Variants in MAP3K4 observed in about 807,000 individuals in gnomAD.
MAP3K4 encodes mitogen-activated protein kinase kinase kinase 4, also known as MAP three kinase 1.
In MAP3K4, 67 loss-of-function variants were observed where a neutral mutation model predicts 185.6. The observed-to-expected ratio is 0.36, with a 90% CI of 0.30 to 0.44. MAP3K4 has a LOEUF of 0.44. Ranked by LOEUF, MAP3K4 falls within the 20% of genes least tolerant of loss-of-function variation. The pLI, the probability that MAP3K4 is intolerant of heterozygous loss-of-function variation, is 1.00. For synonymous variants in MAP3K4, 702 were observed against 710.4 expected, an observed-to-expected ratio of 0.99 and a Z score of 0.19; for missense variants, 1,551 against 1,995.1, an observed-to-expected ratio of 0.78 and a Z score of 4.24.
chr6:161,110,467 A>T lies in MAP3K4; in HGVS notation c.4396+553A>T, dbSNP rs919983808. 2.0e-5 allele frequency among the ~76,000 whole-genome samples: 3 copies of T among 152,204 alleles called. No homozygotes were observed. Among genetic ancestry groups the T allele is most frequent in the Admixed American group, 1.3e-4 (2 of 15,284 alleles). ...AGGGGAATAGCTGGGCTTCTGTCTC[A>T]GAACGGTCACCGTGGCATTTGCCTT... On this transcript the variant is annotated intron_variant, in intron 23 of 26. Transcript: ENST00000392142. This position sits in a 1 kb window ranked among gnomAD's most constrained non-coding sequence, Gnocchi z 4.8.
At chr6:161,094,116 C>A (rs975135885) in intron 15 of MAP3K4, among the ~76,000 whole-genome samples, 1 of 152,216 alleles carries the variant, frequency 6.6e-6, no homozygotes, top group Non-Finnish European at 1.5e-5. Flanking sequence ...TATACCAACA[C>A]TACCATTCTT....
At position 161,053,727 on chromosome 6, in the gene MAP3K4, G is replaced by T. The variant is rs767122462; in HGVS notation, c.1707+3748G>T. On this transcript the variant is annotated intron_variant, in intron 3 of 26. Coordinates refer to ENST00000392142, the MANE Select transcript of MAP3K4 (RefSeq NM_005922.4). This position sits in a 1 kb window ranked among gnomAD's most constrained non-coding sequence, Gnocchi z 4.2. ...CTGTCTCAGCCTCTTGAGTAGCTGG[G>T]ATTACAAGCGTGCACCACCATGCCT... is the stretch of plus-strand genomic sequence containing the variant. Among the ~76,000 whole-genome samples, 6 of 152,084 alleles carry T rather than the reference G, an allele frequency of 3.9e-5. No homozygotes were observed. Among genetic ancestry groups the T allele is most frequent in the African/African-American group, 7.2e-5 (3 of 41,410 alleles).
At chr6:161,092,803 A>G (rs1777385546) in intron 13 of MAP3K4, among the ~76,000 whole-genome samples, 175 bp from the exon 14 acceptor site, 1 of 152,228 alleles carries the variant, frequency 6.6e-6, no homozygotes, top group African/African-American at 2.4e-5. Flanking sequence ...TAAATTTTAA[A>G]AAATTATTCT....
At position 161,098,243 on chromosome 6, in the gene MAP3K4, C is replaced by T. The variant is rs1237649288; in HGVS notation, c.3525-35C>T. 2 of 1,588,282 alleles carry T rather than the reference C, an allele frequency of 1.3e-6. No individual in the cohort carries two copies. The highest frequency in any genetic ancestry group is 1.7e-6 in the Non-Finnish European group (2 of 1,164,182). The stretch of plus-strand genomic sequence containing the variant: ...AATTTTCAAGTCCGTTCCCTCTTCT[C>T]ACATGTGTTCCTGAAGCTTTTCTTC... On this transcript the variant is annotated intron_variant, in intron 16 of 26. Transcript: ENST00000392142. This position sits in a 1 kb window ranked among gnomAD's most constrained non-coding sequence, Gnocchi z 4.4.
chr6:161,027,828 T>G (rs1469155107), intron 1 of MAP3K4, among the ~76,000 whole-genome samples: 1 of 152,274 alleles, frequency 6.6e-6, no homozygotes, highest in Non-Finnish European at 1.5e-5. Context: ...GAGTGGTTTT[T>G]CTGCTACTTA....
In MAP3K4 at chr6:161,048,408, T is replaced by C. The variant is rs1481686760; in HGVS notation, c.344-208T>C. ...GAATATAAGAGAATACAGCAAATAC[T>C]GGAAAAATGGATAATTTTTTTTAAA... On this transcript the variant is annotated intron_variant, in intron 2 of 26. Coordinates refer to ENST00000392142, the MANE Select transcript of MAP3K4 (RefSeq NM_005922.4). This position sits in a 1 kb window ranked among gnomAD's most constrained non-coding sequence, Gnocchi z 4.7. 6 of 613,662 alleles carry C rather than the reference T, an allele frequency of 9.8e-6. No individual in the cohort carries two copies. In the African/African-American group the frequency reaches 1.1e-4, roughly 12 times the overall value. 38.0% of individuals were successfully genotyped at this position (613,662 alleles called of 1,614,324 possible).
intron 2 of MAP3K4, among the ~76,000 whole-genome samples, chr6:161,041,886 AG>A (rs1444947560): frequency 1.5e-5 from 2 of 131,546 alleles, no homozygotes; most frequent in Non-Finnish European, 3.2e-5. Flanking sequence ...GCTCTCAGGG[AG>A]GGTAAAGGCC....
Position 161,070,964 on chromosome 6 carries a change from A to C in MAP3K4, c.1950+114A>C. ...TCTTAATTGTCGCAAATAGTGAAAA[A>C]TGACTGTTTGTCCATGGTTTTAAGC... On this transcript the variant is annotated intron_variant, in intron 4 of 26. Transcript: ENST00000392142. The surrounding 1 kb of genome is among the most constrained non-coding windows in gnomAD (Gnocchi z 4.5). 1 of 1,005,384 alleles carries C rather than the reference A, an allele frequency of 9.9e-7. No homozygotes were observed. Among genetic ancestry groups the C allele is most frequent in the East Asian group, 2.7e-5 (1 of 37,594 alleles). 62.3% of individuals were successfully genotyped at this position (1,005,384 alleles called of 1,614,324 possible).
chr6:161,032,825 G>T (rs1782991796), intron 1 of MAP3K4, among the ~76,000 whole-genome samples: 2 of 152,164 alleles, frequency 1.3e-5, no homozygotes, highest in African/African-American at 4.8e-5. Flanking sequence ...TTCTAAATTT[G>T]CACATGGTTT....
At chr6:161,010,239 G>A (rs1398813077) in intron 1 of MAP3K4, among the ~76,000 whole-genome samples, 2 of 152,130 alleles carry the variant, frequency 1.3e-5, no homozygotes, top group East Asian at 3.9e-4. Flanking sequence ...CACATGAGAT[G>A]CCCAGGATGT....
chr6:161,033,807 A>G (rs1018425014), intron 1 of MAP3K4, among the ~76,000 whole-genome samples: 2 of 152,192 alleles, frequency 1.3e-5, no homozygotes, highest in Non-Finnish European at 2.9e-5. Context: ...AAAGACAGAA[A>G]GAGGCGAGGC....
chr6:161,056,494 G>T lies in MAP3K4; in HGVS notation c.1707+6515G>T, dbSNP rs533791675. ...TGTCTTTCGCTCTGATTCAGCACAA[G>T]GTTCATTCCGACTTTCCTCCCTTGC... is the stretch of plus-strand genomic sequence containing the variant. On this transcript the variant is annotated intron_variant, in intron 3 of 26. Coordinates refer to ENST00000392142, the MANE Select transcript of MAP3K4 (RefSeq NM_005922.4). The surrounding 1 kb of genome is among the most constrained non-coding windows in gnomAD (Gnocchi z 5.4). Among the ~76,000 whole-genome samples, 3 of 152,256 alleles carry T rather than the reference G, an allele frequency of 2.0e-5. No individual in the cohort carries two copies. The South Asian group carries it at 6.2e-4, about 32-fold the overall frequency.
chr6:161,104,371 G>A (rs545964794), intron 19 of MAP3K4, among the ~76,000 whole-genome samples: 55 of 140,002 alleles, frequency 3.9e-4, no homozygotes, highest in African/African-American at 1.2e-3. Context: ...CTGAGATCGC[G>A]CCATCACACT....
At chr6:160,992,371 C>G in intron 1 of MAP3K4, 1 of 469,324 alleles carries the variant, frequency 2.1e-6, no homozygotes, top group Non-Finnish European at 3.7e-6. Context: ...GTTGCGGGGG[C>G]TGGGAGCAGA....
At chr6:161,013,855 G>C (rs7758583) in intron 1 of MAP3K4, among the ~76,000 whole-genome samples, 1 of 151,926 alleles carries the variant, frequency 6.6e-6, no homozygotes, top group Admixed American at 6.6e-5. Flanking sequence ...CCGTGGAAAG[G>C]GGCAGTAACT....
At chr6:160,997,145 A>G (rs994783048) in intron 1 of MAP3K4, among the ~76,000 whole-genome samples, 6 of 151,794 alleles carry the variant, frequency 4.0e-5, no homozygotes, top group Non-Finnish European at 8.8e-5. Flanking sequence ...TCACTTTAAG[A>G]TTTCTTTTTT....
chr6:160,996,814 G>A lies in MAP3K4; in HGVS notation c.152+4731G>A, dbSNP rs1361718558. ...CAGTGTATTCTCTTGCTTGTAGAAA[G>A]CCAAAGTATAATTAAGAGATTGATT... On this transcript the variant is annotated intron_variant, in intron 1 of 26. Transcript: ENST00000392142. This position sits in a 1 kb window ranked among gnomAD's most constrained non-coding sequence, Gnocchi z 4.5. Among the ~76,000 whole-genome samples, 2 of 152,152 alleles carry A rather than the reference G, an allele frequency of 1.3e-5. No individual in the cohort carries two copies. The highest frequency in any genetic ancestry group is 4.8e-5 in the African/African-American group (2 of 41,426).
rs1472613756 is a variant in MAP3K4 at position 161,091,500 on chromosome 6, A to G, written c.3095A>G (p.Tyr1032Cys). The G allele has an allele frequency of 6.2e-7, 1 of 1,613,968 alleles. No homozygotes were observed. Among genetic ancestry groups the G allele is most frequent in the Non-Finnish European group, 8.5e-7 (1 of 1,179,960 alleles). Residue 1032 changes from tyrosine to cysteine, a missense_variant, in exon 12 of 27, where the codon TAC becomes TGC. Coordinates refer to ENST00000392142, the MANE Select transcript of MAP3K4 (RefSeq NM_005922.4). The surrounding 1 kb of genome is among the most constrained non-coding windows in gnomAD (Gnocchi z 5.5). Reference protein sequence around the residue: ...ESESVTLQQYYREAMIQGYNF... With the variant: ...ESESVTLQQYCREAMIQGYNF... ...GAATCTGTCACCTTGCAACAGTACT[A>G]CCGAGAAGCAATGATTCAGGGGTAC...
intron 1 of MAP3K4, among the ~76,000 whole-genome samples, chr6:161,014,166 A>C (rs1275850538): frequency 6.6e-6 from 1 of 152,200 alleles, no homozygotes; most frequent in African/African-American, 2.4e-5. Flanking sequence ...CCTTTATGCA[A>C]AATGCTCTCA....
Sources: gnomAD v4.1 joint callset for allele counts (sites outside exome capture counted in the v4.1 genomes callset) on GRCh38, gnomAD v4.1.1 for gene constraint, Gnocchi (gnomAD v3.1) non-coding constraint, MANE v1.5 for transcripts, NCBI Gene and HGNC (gene_info 2026-07-23, HGNC 2026-07-21) for gene names.